Variants in KLF12 observed in about 807,000 individuals in gnomAD.
The protein encoded by KLF12 is Krueppel-like factor 12.
KLF12 carries 9 observed loss-of-function variants against 37.8 expected under a neutral mutation model. The ratio of observed to expected loss-of-function variants is 0.24; its 90% CI spans 0.14 to 0.42. The LOEUF (loss-of-function observed/expected upper bound fraction) is 0.42, where lower values mean the gene tolerates loss of function less well. Among genes scored for constraint, KLF12 ranks in the 10% least tolerant of loss-of-function variants. The pLI is 1.00. For missense variants in KLF12, 411 were observed against 516.0 expected, an observed-to-expected ratio of 0.80 and a Z score of 1.97; for synonymous variants, 208 against 202.1, an observed-to-expected ratio of 1.03 and a Z score of -0.25.
intron 1 of KLF12, among the ~76,000 whole-genome samples, chr13:74,049,300 C>T (rs1408542057): frequency 6.6e-6 from 1 of 152,196 alleles, no homozygotes; most frequent in Non-Finnish European, 1.5e-5. Flanking sequence ...GCAGCCTGGT[C>T]TACAATGGTA....
At chr13:74,054,117 G>T (rs969310451) in intron 1 of KLF12, among the ~76,000 whole-genome samples, 1 of 152,018 alleles carries the variant, frequency 6.6e-6, no homozygotes, top group African/African-American at 2.4e-5. Context: ...ATCTTCAATA[G>T]GTATTTCATA....
At chr13:73,750,079 A>C (rs1290515940) in intron 6 of KLF12, among the ~76,000 whole-genome samples, 1 of 152,224 alleles carries the variant, frequency 6.6e-6, no homozygotes, top group Non-Finnish European at 1.5e-5. Flanking sequence ...TATTCTTCAA[A>C]CATTTTGTCA....
chr13:73,990,303 G>A (rs890345090), intron 2 of KLF12, among the ~76,000 whole-genome samples: 1 of 152,022 alleles, frequency 6.6e-6, no homozygotes, highest in African/African-American at 2.4e-5. Context: ...AGAAAAAATG[G>A]AACAGAATGA....
chr13:74,099,676 C>T (rs370206924), intron 1 of KLF12, among the ~76,000 whole-genome samples: 4 of 152,284 alleles, frequency 2.6e-5, no homozygotes, highest in African/African-American at 7.2e-5. Flanking sequence ...GGAAGCACTT[C>T]CACAGCACCC....
intron 3 of KLF12, among the ~76,000 whole-genome samples, chr13:73,933,944 A>G (rs1346943547): frequency 1.3e-5 from 2 of 152,184 alleles, no homozygotes; most frequent in Non-Finnish European, 2.9e-5. Flanking sequence ...ACAGATGTCT[A>G]GAGCTTTTTT....
At chr13:74,134,133 G>T (rs1358319313), upstream of KLF12, among the ~76,000 whole-genome samples, 1 of 138,198 alleles carries the variant, frequency 7.2e-6, no homozygotes, top group Non-Finnish European at 1.6e-5. Flanking sequence ...CTCGCAGCCC[G>T]CAGCTCAGGA....
chr13:74,232,924 C>T, the KLF12 span, among the ~76,000 whole-genome samples: 4 of 152,026 alleles, frequency 2.6e-5, no homozygotes, highest in South Asian at 2.1e-4. Context: ...CTTGCTCTGT[C>T]GCCCAGGCTG....
At chr13:74,232,080 C>G in the KLF12 span, among the ~76,000 whole-genome samples, 3 of 152,122 alleles carry the variant, frequency 2.0e-5, no homozygotes, top group African/African-American at 4.8e-5. Context: ...GTAACATAAA[C>G]TAATCTACCT....
intron 3 of KLF12, among the ~76,000 whole-genome samples, chr13:73,932,246 T>A (rs577903283): frequency 2.8e-4 from 42 of 152,322 alleles, no homozygotes; most frequent in Non-Finnish European, 4.6e-4. Context: ...TTGAACATTA[T>A]AGTTCATTTA....
intron 1 of KLF12, among the ~76,000 whole-genome samples, chr13:74,130,990 C>T (rs553376377): frequency 6.6e-6 from 1 of 152,156 alleles, no homozygotes; most frequent in Non-Finnish European, 1.5e-5. Flanking sequence ...TGTCCAGGAC[C>T]TCTATATGTT....
intron 3 of KLF12, among the ~76,000 whole-genome samples, chr13:73,914,847 C>T (rs1010168118): frequency 2.0e-5 from 3 of 152,082 alleles, no homozygotes; most frequent in African/African-American, 7.2e-5. Context: ...CATTTCCCCT[C>T]TTGCTCGTTT....
At chr13:74,147,689 C>G in the KLF12 span, among the ~76,000 whole-genome samples, 11 of 152,076 alleles carry the variant, frequency 7.2e-5, no homozygotes, top group Non-Finnish European at 1.0e-4. Flanking sequence ...GCCTTGTCTC[C>G]TATGCTTGCT....
intron 1 of KLF12, among the ~76,000 whole-genome samples, chr13:74,126,063 T>A (rs1044281863): frequency 6.6e-6 from 1 of 152,136 alleles, no homozygotes; most frequent in African/African-American, 2.4e-5. Flanking sequence ...AGTCCAACAA[T>A]AAAACAGAAA....
intron 2 of KLF12, among the ~76,000 whole-genome samples, chr13:73,964,058 G>A (rs918930344): frequency 6.6e-6 from 1 of 152,184 alleles, no homozygotes; most frequent in African/African-American, 2.4e-5. Context: ...AACAAATGGG[G>A]AAGCTAGCTT....
intron 3 of KLF12, among the ~76,000 whole-genome samples, chr13:73,914,464 T>C (rs1566456092): frequency 2.0e-5 from 3 of 152,198 alleles, no homozygotes; most frequent in Admixed American, 1.3e-4. Context: ...GGCACTCAAA[T>C]AGATGTGGAG....
chr13:74,105,945 A>G lies in KLF12; in HGVS notation c.-32+27794T>C, dbSNP rs186228314. Among the ~76,000 whole-genome samples the G allele has an allele frequency of 3.3e-5, 5 of 152,326 alleles. No individual in the cohort carries two copies. The East Asian group carries it at 9.6e-4, about 29-fold the overall frequency. On this transcript the variant is annotated intron_variant, in intron 1 of 7. Transcript: ENST00000377669. ...TAGTGTCACCTCTTATTGTAATGAA[A>G]TTAAGGTAGCAATGACATGGCAATT... is the stretch of plus-strand genomic sequence containing the variant.
At chr13:73,749,397 CAATT>C (rs1189732737) in intron 6 of KLF12, among the ~76,000 whole-genome samples, 2 of 151,988 alleles carry the variant, frequency 1.3e-5, no homozygotes, top group Non-Finnish European at 2.9e-5. Context: ...AAAGGTGTGA[CAATT>C]AAAACTAAAA....
chr13:73,706,294 G>A (rs1364212921), intron 7 of KLF12, among the ~76,000 whole-genome samples: 1 of 151,958 alleles, frequency 6.6e-6, no homozygotes, highest in East Asian at 1.9e-4. Context: ...ATAATGGATA[G>A]GTTTAGAAGT....
chr13:74,042,170 G>A, intron 1 of KLF12, among the ~76,000 whole-genome samples: 1 of 152,044 alleles, frequency 6.6e-6, no homozygotes, highest in East Asian at 1.9e-4. Flanking sequence ...TGGGCATAGT[G>A]GCAGGCACCT....
Sources: gnomAD v4.1 joint callset for allele counts (sites outside exome capture counted in the v4.1 genomes callset) on GRCh38, gnomAD v4.1.1 for gene constraint, MANE v1.5 for transcripts, NCBI Gene and HGNC (gene_info 2026-07-23, HGNC 2026-07-21) for gene names.